Variants in RD3L observed in about 807,000 individuals in gnomAD.
The protein encoded by RD3L is protein RD3-like.
Under a neutral mutation model 12.5 loss-of-function variants are expected in RD3L, and 6 were observed. The observed-to-expected ratio is 0.48, with a 90% CI of 0.26 to 0.95. The LOEUF (loss-of-function observed/expected upper bound fraction) is 0.95. RD3L is among the 40% of genes least tolerant of loss of function. The probability of loss-of-function intolerance (pLI) is 0.14; values close to 1 mark genes in which losing one functional copy is unlikely to be tolerated. For missense variants in RD3L, 234 were observed against 228.6 expected (o/e 1.02, Z -0.15); for synonymous variants, 87 against 79.3 (o/e 1.10, Z -0.52).
Position 103,941,085 on chromosome 14 carries a change from T to C in RD3L, c.318A>G (p.Ala106=). ...TTTCCCATGGCAGTACATCATTTTC[T>C]GCCAAAACTTCTCGAAATCTAGAGG... ...TILSRFREVL[A]ENDVLPWEIV... Residue 106 remains alanine, a synonymous_variant, in exon 3 of 3, where the codon GCA becomes GCG. Transcript: ENST00000557640. The C allele has an allele frequency of 6.5e-7, 1 of 1,533,546 alleles. No individual in the cohort carries two copies. Among genetic ancestry groups the C allele is most frequent in the African/African-American group, 1.4e-5 (1 of 73,122 alleles). The allele number at this position is 1,533,546 out of a possible 1,614,324, so 95.0% of individuals were successfully genotyped here. A position where few individuals can be genotyped will look rare whatever the true frequency, so the allele number is the denominator to read the frequency against.
chr14:103,941,521 C>T lies in RD3L; in HGVS notation c.175G>A (p.Val59Met), dbSNP rs1487020369. The T allele has an allele frequency of 1.3e-6, 2 of 1,535,308 alleles. No individual in the cohort carries two copies. Among genetic ancestry groups the T allele is most frequent in the East Asian group, 2.4e-5 (1 of 40,908 alleles). ...ENEQKVKKTGVDYNWLRNYQN... is the reference protein window; with the variant it reads ...ENEQKVKKTGMDYNWLRNYQN... ...TAGTTTCTGAGCCAGTTGTAATCCA[C>T]ACCTGTTTTTTTCACTTTTTGTTCA... is the stretch of plus-strand genomic sequence containing the variant. Residue 59 changes from valine to methionine, a missense_variant, in exon 2 of 3, where the codon GTG becomes ATG. By Grantham distance (21) the Val-to-Met change is conservative. Coordinates refer to ENST00000557640, the MANE Select transcript of RD3L (RefSeq NM_001257268.2).
chr14:103,941,014 G>T lies in RD3L; in HGVS notation c.389C>A (p.Ser130Tyr). Residue 130 changes from serine to tyrosine, a missense_variant, in exon 3 of 3, where the codon TCT becomes TAT. Transcript: ENST00000557640. Reference sequence around the variant, plus strand: ...GTCCTCTTGCTCACTCCCTCTGTCAGAGCTGCTTAGGAAGTCTTTCAGAAC... The same window carrying T: ...GTCCTCTTGCTCACTCCCTCTGTCATAGCTGCTTAGGAAGTCTTTCAGAAC... ...KQVLKDFLSS[S>Y]DRGSEQEDLE... The T allele has an allele frequency of 6.5e-7, 1 of 1,535,378 alleles. No homozygotes were observed. The highest frequency in any genetic ancestry group is 8.7e-7 in the Non-Finnish European group (1 of 1,146,656).
chr14:103,941,512 T>G lies in RD3L; in HGVS notation c.184A>C (p.Asn62His). ...GGATTCTGGTAGTTTCTGAGCCAGT[T>G]GTAATCCACACCTGTTTTTTTCACT... ...QKVKKTGVDY[N>H]WLRNYQNPHT... Residue 62 changes from asparagine to histidine, a missense_variant, in exon 2 of 3, where the codon AAC (asparagine) becomes CAC (histidine). Asn to His is a moderately conservative substitution (Grantham distance 68, BLOSUM62 1). Coordinates refer to ENST00000557640, the MANE Select transcript of RD3L (RefSeq NM_001257268.2). The G allele has an allele frequency of 1.3e-6, 2 of 1,535,368 alleles. No individual in the cohort carries two copies. Among genetic ancestry groups the G allele is most frequent in the Non-Finnish European group, 1.7e-6 (2 of 1,146,636 alleles).
At position 103,941,123 on chromosome 14, in the gene RD3L, G is replaced by A; in HGVS notation, c.300-20C>T. ...CGAAATCTAGAGGGGAAATGGTAAT[G>A]AATATTCAGTTTAGAACATTTTTTG... On this transcript the variant is annotated intron_variant, in intron 2 of 2. Coordinates refer to ENST00000557640, the MANE Select transcript of RD3L (RefSeq NM_001257268.2). 6.6e-7 allele frequency: 1 copy of A among 1,517,840 alleles called. No homozygotes were observed. The highest frequency in any genetic ancestry group is 8.8e-7 in the Non-Finnish European group (1 of 1,133,508). The allele number at this position is 1,517,840 out of a possible 1,614,324, so 94.0% of individuals were successfully genotyped here.
chr14:103,941,986 C>G (rs1241984067), intron 1 of RD3L, 106 bp downstream of exon 1: 1 of 343,546 alleles, frequency 2.9e-6, no homozygotes, highest in Non-Finnish European at 5.2e-6. Context: ...AACACTAACA[C>G]TTGCTGTGAA....
rs1177466783 is a variant in RD3L at position 103,940,997 on chromosome 14, G to A, written c.406C>T (p.Gln136Ter). The A allele has an allele frequency of 6.5e-7, 1 of 1,535,376 alleles. No homozygotes were observed. Among genetic ancestry groups the A allele is most frequent in the East Asian group, 2.4e-5 (1 of 40,910 alleles). Reference sequence around the variant, plus strand: ...CTCCCTGAGTCCTCCAGGTCCTCTTGCTCACTCCCTCTGTCAGAGCTGCTT... The same window carrying A: ...CTCCCTGAGTCCTCCAGGTCCTCTTACTCACTCCCTCTGTCAGAGCTGCTT... ...FLSSSDRGSE[Q>*]EDLEDSGSMD... is the part of the protein sequence containing the mutation. The change falls in exon 3 of 3, where the codon CAA becomes TAA. Residue 136 changes from glutamine to a stop codon, truncating the protein, a stop_gained. Coordinates refer to ENST00000557640, the MANE Select transcript of RD3L (RefSeq NM_001257268.2). LOFTEE classifies it low-confidence loss of function (END_TRUNC).
intron 1 of RD3L, 78 bp downstream of exon 1, chr14:103,942,014 A>G: frequency 3.8e-6 from 1 of 265,310 alleles, no homozygotes; most frequent in Non-Finnish European, 7.0e-6. Flanking sequence ...TAAGAGACTT[A>G]AAATATTAAT....
chr14:103,940,776 T>G lies in RD3L; in HGVS notation c.*30A>C, dbSNP rs17101946. The G allele has an allele frequency of 4.9e-4, 713 of 1,452,872 alleles. 3 individuals are homozygous for G. In the African/African-American group the frequency reaches 8.8e-3, roughly 18 times the overall value. The allele number at this position is 1,452,872 out of a possible 1,614,324, so 90.0% of individuals were successfully genotyped here. ...TCTTAATATTAGGAGTTCTAAGGTG[T>G]TCATAAAAACCCCTCTAGTTGTAAG... is the stretch of plus-strand genomic sequence containing the variant. On this transcript the variant is annotated 3_prime_UTR_variant, in exon 3 of 3. Coordinates refer to ENST00000557640, the MANE Select transcript of RD3L (RefSeq NM_001257268.2).
Position 103,941,641 on chromosome 14 carries a change from G to T in RD3L, c.55C>A (p.His19Asn). 5 of 1,534,962 alleles carry T rather than the reference G, an allele frequency of 3.3e-6. No individual in the cohort carries two copies. The highest frequency in any genetic ancestry group is 4.4e-6 in the Non-Finnish European group (5 of 1,146,582). ...WPKNDSYKPTHYPGSDIVTKT... is the reference protein window; with the variant it reads ...WPKNDSYKPTNYPGSDIVTKT... Reference sequence around the variant, plus strand: ...GTCACTATGTCTGAGCCAGGATAGTGTGTGGGTTTGTAGGAATCGTTTTTG... The same window carrying T: ...GTCACTATGTCTGAGCCAGGATAGTTTGTGGGTTTGTAGGAATCGTTTTTG... Residue 19 changes from histidine to asparagine, a missense_variant, in exon 2 of 3, where the codon CAC (histidine) becomes AAC (asparagine). His to Asn is a moderately conservative substitution (Grantham distance 68). Coordinates refer to ENST00000557640, the MANE Select transcript of RD3L (RefSeq NM_001257268.2).
At position 103,940,550 on chromosome 14, in the gene RD3L, G is replaced by T; in HGVS notation, c.*256C>A. 3.1e-6 allele frequency: 1 copy of T among 327,086 alleles called. No homozygotes were observed. Among genetic ancestry groups the T allele is most frequent in the Non-Finnish European group, 5.6e-6 (1 of 179,134 alleles). 20.3% of individuals were successfully genotyped at this position (327,086 alleles called of 1,614,324 possible). A position where few individuals can be genotyped will look rare whatever the true frequency, so the allele number is the denominator to read the frequency against. Reference sequence around the variant, plus strand: ...CTAAAGTTGCTTTAGTTCCTGTGAGGTGGGTTTGAGGTATAAGAAAATACT... The same window carrying T: ...CTAAAGTTGCTTTAGTTCCTGTGAGTTGGGTTTGAGGTATAAGAAAATACT... On this transcript the variant is annotated 3_prime_UTR_variant, in exon 3 of 3. Transcript: ENST00000557640.
Position 103,940,643 on chromosome 14 carries a change from C to T in RD3L, c.*163G>A, listed in dbSNP as rs2031164401. 7 of 521,046 alleles carry T rather than the reference C, an allele frequency of 1.3e-5. No individual in the cohort carries two copies. Among genetic ancestry groups the T allele is most frequent in the Non-Finnish European group, 2.0e-5 (6 of 296,626 alleles). The allele number at this position is 521,046 out of a possible 1,614,324, so 32.3% of individuals were successfully genotyped here. ...AGCATACTATTCAATGAAAACATAGCATGTTTAGAGTGGTTAAAAAAAGAA... is the reference window on the plus strand; with the variant it reads ...AGCATACTATTCAATGAAAACATAGTATGTTTAGAGTGGTTAAAAAAAGAA... On this transcript the variant is annotated 3_prime_UTR_variant, in exon 3 of 3. Coordinates refer to ENST00000557640, the MANE Select transcript of RD3L (RefSeq NM_001257268.2).
In RD3L at chr14:103,941,502, C is replaced by T; in HGVS notation, c.194G>A (p.Arg65Lys). 5 of 1,535,258 alleles carry T rather than the reference C, an allele frequency of 3.3e-6. No individual in the cohort carries two copies. The South Asian group carries it at 4.8e-5, about 15-fold the overall frequency. ...KKTGVDYNWLRNYQNPHTTIP... is the reference protein window; with the variant it reads ...KKTGVDYNWLKNYQNPHTTIP... ...AGTTGTGTGGGGATTCTGGTAGTTTCTGAGCCAGTTGTAATCCACACCTGT... is the reference window on the plus strand; with the variant it reads ...AGTTGTGTGGGGATTCTGGTAGTTTTTGAGCCAGTTGTAATCCACACCTGT... The change falls in exon 2 of 3, where the codon AGA becomes AAA. Residue 65 changes from arginine (R) to lysine (K), a missense_variant. Physicochemically the swap from Arg to Lys is conservative, Grantham distance 26 (BLOSUM62 2). Coordinates refer to ENST00000557640, the MANE Select transcript of RD3L (RefSeq NM_001257268.2).
intron 1 of RD3L, 92 bp downstream of exon 1, chr14:103,942,000 T>C: frequency 6.7e-6 from 2 of 298,448 alleles, no homozygotes; most frequent in Non-Finnish European, 1.2e-5. Context: ...CTGTGAAAAG[T>C]TCTTAAGAGA....
Position 103,940,816 on chromosome 14 carries a change from G to A in RD3L, c.587C>T (p.Pro196Leu), listed in dbSNP as rs2031177349. Reference protein sequence around the residue: ...HRIWNLPYYHPSS With the variant: ...HRIWNLPYYHLSS ...CTAGTTGTAAGTAACTTAACTAGAT[G>A]GGTGATAATATGGTAGGTTCCATAT... is the stretch of plus-strand genomic sequence containing the variant. The change falls in exon 3 of 3, where the codon CCA becomes CTA. Residue 196 changes from proline to leucine, a missense_variant. By Grantham distance (98) the Pro-to-Leu change is moderately conservative (BLOSUM62 -3). Transcript: ENST00000557640. The A allele has an allele frequency of 2.9e-5, 44 of 1,533,820 alleles. No individual in the cohort carries two copies. The highest frequency in any genetic ancestry group is 3.7e-5 in the Non-Finnish European group (42 of 1,145,262).
At position 103,940,890 on chromosome 14, in the gene RD3L, A is replaced by C. The variant is rs2031184470; in HGVS notation, c.513T>G (p.Ser171Arg). The C allele has an allele frequency of 6.5e-7, 1 of 1,535,268 alleles. No individual in the cohort carries two copies. The highest frequency in any genetic ancestry group is 1.2e-5 in the South Asian group (1 of 84,058). ...TGTCCTTTGTGTTTTTGTCTACGTA[A>C]CTGGAAATGGTGGGTATTTCATCTT... Reference protein sequence around the residue: ...ADKDEIPTISSYVDKNTKDRF... With the variant: ...ADKDEIPTISRYVDKNTKDRF... Residue 171 changes from serine (S) to arginine (R), a missense_variant, in exon 3 of 3, where the codon AGT (serine) becomes AGG (arginine). Physicochemically the swap from Ser to Arg is moderately radical, Grantham distance 110. Coordinates refer to ENST00000557640, the MANE Select transcript of RD3L (RefSeq NM_001257268.2).
Position 103,940,503 on chromosome 14 carries a change from A to G in RD3L, c.*303T>C, listed in dbSNP as rs774065210. 2.6e-4 allele frequency: 61 copies of G among 237,542 alleles called. No homozygotes were observed. In the Middle Eastern group the frequency reaches 6.0e-3, roughly 23 times the overall value. The allele number at this position is 237,542 out of a possible 1,614,324, so 14.7% of individuals were successfully genotyped here. A position where few individuals can be genotyped will look rare whatever the true frequency, so the allele number is the denominator to read the frequency against. ...GTCAAGGTTAATATCTAAGTTTTGT[A>G]CAGAATTTGTCAGACTTCATACTAA... On this transcript the variant is annotated 3_prime_UTR_variant, in exon 3 of 3. Transcript: ENST00000557640.
rs1330647342 is a variant in RD3L at position 103,941,014 on chromosome 14, G to C, written c.389C>G (p.Ser130Cys). 1 of 1,535,378 alleles carries C rather than the reference G, an allele frequency of 6.5e-7. No homozygotes were observed. Among genetic ancestry groups the C allele is most frequent in the Non-Finnish European group, 8.7e-7 (1 of 1,146,656 alleles). Residue 130 changes from serine to cysteine, a missense_variant, in exon 3 of 3, where the codon TCT (serine) becomes TGT (cysteine). Transcript: ENST00000557640. The part of the protein sequence containing the change: ...KQVLKDFLSS[S>C]DRGSEQEDLE... ...GTCCTCTTGCTCACTCCCTCTGTCA[G>C]AGCTGCTTAGGAAGTCTTTCAGAAC...
At chr14:103,942,062 T>C (rs900346603) in intron 1 of RD3L, 30 bp downstream of exon 1, 1 of 205,422 alleles carries the variant, frequency 4.9e-6, no homozygotes, top group African/African-American at 2.4e-5. Context: ...TTTTGATTTA[T>C]GTTTTGGACA....
At position 103,942,080 on chromosome 14, in the gene RD3L, T is replaced by A. The variant is rs1180605724; in HGVS notation, c.-8+12A>T. Reference sequence around the variant, plus strand: ...TGATTTATGTTTTGGACAGAAAAGGTTTAAAGCTTACCTGTTAAGTTGATG... The same window carrying A: ...TGATTTATGTTTTGGACAGAAAAGGATTAAAGCTTACCTGTTAAGTTGATG... On this transcript the variant is annotated intron_variant, in intron 1 of 2. Transcript: ENST00000557640. 5.2e-6 allele frequency: 1 copy of A among 191,170 alleles called. No individual in the cohort carries two copies. The highest frequency in any genetic ancestry group is 1.1e-5 in the Non-Finnish European group (1 of 94,052). 11.8% of individuals were successfully genotyped at this position (191,170 alleles called of 1,614,324 possible).
Sources: allele counts gnomAD v4.1 joint callset, GRCh38; gene constraint gnomAD v4.1.1; transcripts MANE v1.5; gene names NCBI Gene and HGNC (gene_info 2026-07-23, HGNC 2026-07-21).